The following PPP2R3B variants were observed in gnomAD, a reference collection of about 807,000 sequenced individuals.
PPP2R3B encodes protein phosphatase 2 regulatory subunit B''beta.
A neutral mutation model predicts 72.9 loss-of-function variants in PPP2R3B; 68 were observed. The ratio of observed to expected loss-of-function variants is 0.93; its 90% confidence interval spans 0.77 to 1.14. The LOEUF is 1.14. PPP2R3B is among the 50% of genes most tolerant of loss of function. PPP2R3B has a pLI of 0.00. For synonymous variants in PPP2R3B, 466 were observed against 375.8 expected, an observed-to-expected ratio of 1.24 and a Z score of -2.78; for missense variants, 1,018 against 842.0, an observed-to-expected ratio of 1.21 and a Z score of -2.59.
intron 4 of PPP2R3B, 79 bp from the exon 5 acceptor site, chrX:346,854 C>G (rs1036768905): frequency 3.8e-6 from 5 of 1,320,726 alleles, no homozygotes; most frequent in Non-Finnish European, 5.3e-6. Flanking sequence ...GCTGCAGACG[C>G]GGACCCTCCC....
intron 1 of PPP2R3B, among the ~76,000 whole-genome samples, chrX:364,044 G>A (rs118142870): frequency 0.013 from 1,972 of 152,344 alleles, 40 homozygotes; most frequent in African/African-American, 0.045. Flanking sequence ...GAAGAACCCG[G>A]GGAAGCCCGT....
intron 1 of PPP2R3B, among the ~76,000 whole-genome samples, chrX:382,329 C>A (rs1210010168): frequency 1.3e-5 from 2 of 151,850 alleles, no homozygotes; most frequent in Non-Finnish European, 2.9e-5. Context: ...TCCAGAGTAG[C>A]TGGGATTACA....
rs748958390 is a variant in PPP2R3B at position 386,195 on chromosome X, G to A, written c.324+173C>T. Reference sequence around the variant, plus strand: ...GTCAATGACGGAATGTTCAGTACGTGGGACTTTCTTGTCTGTATGTGTGTG... The same window carrying A: ...GTCAATGACGGAATGTTCAGTACGTAGGACTTTCTTGTCTGTATGTGTGTG... On this transcript the variant is annotated intron_variant, in intron 1 of 12. Transcript: ENST00000390665. Among the ~76,000 whole-genome samples the A allele has an allele frequency of 5.3e-5, 8 of 152,086 alleles. No homozygotes were observed. In the South Asian group the frequency reaches 1.7e-3, roughly 32 times the overall value.
At chrX:364,242 G>A (rs1263959612) in intron 1 of PPP2R3B, among the ~76,000 whole-genome samples, 3 of 152,232 alleles carry the variant, frequency 2.0e-5, no homozygotes, top group Admixed American at 6.5e-5. Context: ...TCCGGCCCCA[G>A]GAATGAAAGT....
chrX:371,749 A>T (rs1281614548), intron 1 of PPP2R3B, among the ~76,000 whole-genome samples: 1 of 151,970 alleles, frequency 6.6e-6, no homozygotes, highest in Non-Finnish European at 1.5e-5. Flanking sequence ...GGTGGACCCA[A>T]CAGACAGAGC....
chrX:341,079 TGCCCCCTGCC>T (rs1297728373), intron 9 of PPP2R3B, 139 bp from the exon 10 acceptor site: 13 of 1,147,590 alleles, frequency 1.1e-5, no homozygotes, highest in South Asian at 4.4e-5. Flanking sequence ...AGGCATCCCC[TGCCCCCTGCC>T]GCCCCCACCG....
At chrX:358,359 A>G (rs2071476926) in intron 2 of PPP2R3B, among the ~76,000 whole-genome samples, 1 of 127,522 alleles carries the variant, frequency 7.8e-6, no homozygotes, top group East Asian at 2.7e-4. Context: ...GACAGCGCAC[A>G]CCCTGCTGGC....
Position 386,581 on chromosome X carries a change from G to C in PPP2R3B, c.111C>G (p.Arg37=). The C allele has an allele frequency of 6.9e-7, 1 of 1,450,704 alleles. No individual in the cohort carries two copies. The highest frequency in any genetic ancestry group is 9.1e-7 in the Non-Finnish European group (1 of 1,101,920). 89.9% of individuals were successfully genotyped at this position (1,450,704 alleles called of 1,614,324 possible). Residue 37 remains arginine (R), a synonymous_variant, in exon 1 of 13, where the codon CGC becomes CGG. Transcript: ENST00000390665. The part of the protein sequence containing the change: ...STQRMLQDCL[R]RIKAPGRDQP... ...GGTCCCGCCCGGGCGCCTTGATCCG[G>C]CGCAGGCAGTCCTGCAGCATCCGCT... is the stretch of plus-strand genomic sequence containing the variant.
chrX:363,668 A>G (rs1308134380), intron 1 of PPP2R3B, among the ~76,000 whole-genome samples: 455 of 1,618 alleles, frequency 0.28, 36 homozygotes, highest in South Asian at 0.36. Context: ...CCACCATCCC[A>G]CAATGCATCT....
chrX:366,613 G>A (rs1422798181), intron 1 of PPP2R3B, among the ~76,000 whole-genome samples: 1 of 10,450 alleles, frequency 9.6e-5, no homozygotes, highest in Non-Finnish European at 1.6e-4. Context: ...CAGGAGAATC[G>A]CTTCAACACA....
At chrX:342,045 G>GGTCT (rs2071091301) in intron 7 of PPP2R3B, 114 bp from the exon 8 acceptor site, 3 of 1,372,336 alleles carry the variant, frequency 2.2e-6, no homozygotes, top group Non-Finnish European at 3.1e-6. Flanking sequence ...AGGACGCCTG[G>GGTCT]GTCTGGGAGA....
chrX:338,210 A>G, intron 12 of PPP2R3B: 1 of 368,838 alleles, frequency 2.7e-6, no homozygotes, highest in South Asian at 3.2e-5. Flanking sequence ...CAGGGCCTCC[A>G]AGGCTGGAAG....
At position 346,201 on chromosome X, in the gene PPP2R3B, G is replaced by T. The variant is rs779997138; in HGVS notation, c.852C>A (p.Ala284=). 10 of 1,566,828 alleles carry T rather than the reference G, an allele frequency of 6.4e-6. No individual in the cohort carries two copies. Among genetic ancestry groups the T allele is most frequent in the Non-Finnish European group, 8.6e-6 (10 of 1,158,026 alleles). The change falls in exon 6 of 13, where the codon GCC becomes GCA. Residue 284 remains alanine (A), a synonymous_variant. Transcript: ENST00000390665. ...NRSWSGRITC[A]ELRRSSFLQN... is the part of the protein sequence containing the mutation. The stretch of plus-strand genomic sequence containing the variant: ...GCAGGAAGGAGCTCCTCCGCAGCTC[G>T]GCGCAGGTGATCCTGCCGGACCAGG...
At chrX:339,087 G>A (rs1030298160) in intron 10 of PPP2R3B, among the ~76,000 whole-genome samples, 191 bp from the exon 11 acceptor site, 25 of 152,080 alleles carry the variant, frequency 1.6e-4, no homozygotes, top group African/African-American at 5.5e-4. Context: ...AGGCGTGGGA[G>A]GCCGTGATGC....
At chrX:342,024 G>T in intron 7 of PPP2R3B, 93 bp from the exon 8 acceptor site, 1 of 1,484,066 alleles carries the variant, frequency 6.7e-7, no homozygotes, top group South Asian at 1.1e-5. Context: ...GGTGGGGACC[G>T]AAAAGCTGAG....
In PPP2R3B at chrX:345,601, G is replaced by A. The variant is rs1159659484; in HGVS notation, c.951C>T (p.Tyr317=). The part of the protein sequence containing the change: ...LTEFFSYEHF[Y]VIYCKFWELD... Reference sequence around the variant, plus strand: ...GCTCCCAGAACTTGCAGTAGATGACGTAGAAATGCTCGTACGAGAAGAATT... The same window carrying A: ...GCTCCCAGAACTTGCAGTAGATGACATAGAAATGCTCGTACGAGAAGAATT... The change falls in exon 7 of 13, where the codon TAC becomes TAT. Residue 317 remains tyrosine, a synonymous_variant. Coordinates refer to ENST00000390665, the MANE Select transcript of PPP2R3B (RefSeq NM_013239.5). The A allele has an allele frequency of 9.3e-6, 15 of 1,613,158 alleles. No individual in the cohort carries two copies. Among genetic ancestry groups the A allele is most frequent in the South Asian group, 2.2e-5 (2 of 91,072 alleles).
rs756479879 is a variant in PPP2R3B, at chrX:361,401, G to A, written c.510+4C>T. 20 of 1,613,816 alleles carry A rather than the reference G, an allele frequency of 1.2e-5. No homozygotes were observed. In the African/African-American group the frequency reaches 1.3e-4, roughly 11 times the overall value. ...CTGCTCCACGTCCCACGCGTGACAC[G>A]TACCTTGGCCACCAGGCCCATGTCA... On this transcript the variant is annotated splice_donor_region_variant and intron_variant, in intron 2 of 12. Coordinates refer to ENST00000390665, the MANE Select transcript of PPP2R3B (RefSeq NM_013239.5).
chrX:371,457 T>C (rs1202160724), intron 1 of PPP2R3B, among the ~76,000 whole-genome samples: 1 of 151,898 alleles, frequency 6.6e-6, no homozygotes, highest in Non-Finnish European at 1.5e-5. Flanking sequence ...AGGAGGAGCT[T>C]GGGTTCACCA....
At chrX:347,059 G>A (rs1397772246) in intron 4 of PPP2R3B, among the ~76,000 whole-genome samples, 175 bp downstream of exon 4, 5 of 147,126 alleles carry the variant, frequency 3.4e-5, no homozygotes, top group African/African-American at 5.2e-5. Context: ...TCCCATGAGG[G>A]ATGAGGCATG....
Sources: allele counts gnomAD v4.1 joint callset (sites outside exome capture counted in the v4.1 genomes callset), GRCh38; gene constraint gnomAD v4.1.1; transcripts MANE v1.5; gene names NCBI Gene and HGNC (gene_info 2026-07-23, HGNC 2026-07-21).